Variants in CUL3 observed in about 807,000 individuals in gnomAD.
CUL3 encodes cullin-3.
In CUL3, 19 loss-of-function variants were observed where a neutral mutation model predicts 89.1. That is an observed-to-expected ratio of 0.21 (90% CI 0.15 to 0.31). CUL3 has a LOEUF of 0.31. Ranked by LOEUF, CUL3 falls within the 10% of genes least tolerant of loss-of-function variation. CUL3 has a pLI of 1.00. For missense variants in CUL3, 469 were observed against 942.3 expected (o/e 0.50, Z 6.58); for synonymous variants, 351 against 308.4 (o/e 1.14, Z -1.45).
At chr2:224,570,109 C>T (rs564922247) in intron 1 of CUL3, among the ~76,000 whole-genome samples, 2 of 152,022 alleles carry the variant, frequency 1.3e-5, no homozygotes, top group East Asian at 1.9e-4. Context: ...TGTTATTGTA[C>T]CCCTTACAAT....
rs982939031 is a variant in CUL3, at chr2:224,506,930, G to A, written c.957C>T (p.Ser319=). Residue 319 remains serine, a synonymous_variant, in exon 7 of 16, where the codon TCC becomes TCT. Transcript: ENST00000264414. The part of the protein sequence containing the change: ...GLKTMCECMS[S]YLREQGKALV... Reference sequence around the variant, plus strand: ...GAGCTTTACCTTGCTCCCTCAAATAGGAACTCATACACTCACACATTGTTT... The same window carrying A: ...GAGCTTTACCTTGCTCCCTCAAATAAGAACTCATACACTCACACATTGTTT... 3 of 1,613,366 alleles carry A rather than the reference G, an allele frequency of 1.9e-6. No homozygotes were observed. Among genetic ancestry groups the A allele is most frequent in the Non-Finnish European group, 2.5e-6 (3 of 1,179,640 alleles).
chr2:224,584,842 G>A, intron 1 of CUL3, 102 bp downstream of exon 1: 1 of 782,900 alleles, frequency 1.3e-6, no homozygotes, highest in Non-Finnish European at 1.7e-6. Context: ...GGGGAGGGGA[G>A]GCCGGGCCTG....
chr2:224,558,938 C>T (rs1694816269), intron 1 of CUL3, among the ~76,000 whole-genome samples: 1 of 151,708 alleles, frequency 6.6e-6, no homozygotes, highest in Non-Finnish European at 1.5e-5. Flanking sequence ...CGCCTGTAGT[C>T]CCAGCTACTT....
At chr2:224,513,269 C>G (rs370632470) in intron 5 of CUL3, among the ~76,000 whole-genome samples, 1 of 152,072 alleles carries the variant, frequency 6.6e-6, no homozygotes, top group African/African-American at 2.4e-5. Flanking sequence ...CATCCCTATG[C>G]CCCACACTGT....
rs74918799 is a variant in CUL3, at chr2:224,582,716, A to G, written c.66+2228T>C. Among the ~76,000 whole-genome samples the G allele has an allele frequency of 8.0e-4, 122 of 152,344 alleles. No homozygotes were observed. The East Asian group carries it at 0.023, about 29-fold the overall frequency. ...TGGTAACGTATCACACAACGTTATT[A>G]TACTGGTCAGCTAAAGGAATAATGA... On this transcript the variant is annotated intron_variant, in intron 1 of 15. Coordinates refer to ENST00000264414, the MANE Select transcript of CUL3 (RefSeq NM_003590.5).
chr2:224,524,388 T>G (rs1693387555), intron 3 of CUL3, among the ~76,000 whole-genome samples: 1 of 152,202 alleles, frequency 6.6e-6, no homozygotes, highest in African/African-American at 2.4e-5. Context: ...AGATGTTTAC[T>G]GATACAGCAC....
At chr2:224,506,478 G>A (rs1692605863) in intron 7 of CUL3, among the ~76,000 whole-genome samples, 1 of 152,026 alleles carries the variant, frequency 6.6e-6, no homozygotes, top group South Asian at 2.1e-4. Context: ...CACAAAACAT[G>A]GCACATAATT....
At chr2:224,533,030 C>T (rs1221658698) in intron 3 of CUL3, 1 of 152,114 alleles carries the variant, frequency 6.6e-6, no homozygotes, top group Non-Finnish European at 1.5e-5. Context: ...TCATTTACTA[C>T]AAGGGAGGAA....
intron 3 of CUL3, among the ~76,000 whole-genome samples, chr2:224,535,057 T>TAAAG (rs1204666648): frequency 2.8e-5 from 4 of 144,884 alleles, no homozygotes; most frequent in Non-Finnish European, 6.1e-5. Flanking sequence ...AATAAATAAA[T>TAAAG]AAAGATTTTT....
chr2:224,583,599 AT>A (rs1311343946), intron 1 of CUL3, among the ~76,000 whole-genome samples: 8 of 152,238 alleles, frequency 5.3e-5, no homozygotes, highest in Admixed American at 3.3e-4. Flanking sequence ...TTTAATTATT[AT>A]CAAAACACTT....
At chr2:224,522,025 G>T (rs1417156001) in intron 3 of CUL3, among the ~76,000 whole-genome samples, 1 of 148,574 alleles carries the variant, frequency 6.7e-6, no homozygotes, top group Non-Finnish European at 1.5e-5. Context: ...TATTCTGCTA[G>T]TAAGCTAGAG....
intron 3 of CUL3, among the ~76,000 whole-genome samples, chr2:224,534,460 T>C (rs1483521919): frequency 6.6e-6 from 1 of 152,212 alleles, no homozygotes; most frequent in African/African-American, 2.4e-5. Flanking sequence ...ATTGTATTAA[T>C]ATGACATCCT....
intron 1 of CUL3, among the ~76,000 whole-genome samples, chr2:224,561,464 A>T (rs184328064): frequency 6.6e-6 from 1 of 152,230 alleles, no homozygotes; most frequent in Non-Finnish European, 1.5e-5. Context: ...TAGTTATTTT[A>T]GTCACCCTGG....
intron 2 of CUL3, among the ~76,000 whole-genome samples, chr2:224,554,443 G>A (rs1574689562): frequency 6.6e-6 from 1 of 152,290 alleles, no homozygotes; most frequent in East Asian, 1.9e-4. Flanking sequence ...CCCTTACACT[G>A]AATTTCAGCA....
At chr2:224,519,416 C>A (rs1274623493) in intron 3 of CUL3, among the ~76,000 whole-genome samples, 1 of 152,102 alleles carries the variant, frequency 6.6e-6, no homozygotes, top group African/African-American at 2.4e-5. Context: ...AAGGTGTAGG[C>A]AGAACACAGA....
At chr2:224,518,294 A>G (rs538309937) in intron 3 of CUL3, among the ~76,000 whole-genome samples, 1 of 147,224 alleles carries the variant, frequency 6.8e-6, no homozygotes, top group Admixed American at 6.7e-5. Context: ...ATGTTGTAAC[A>G]TACAACAGTA....
chr2:224,544,686 T>G (rs1694237335), intron 2 of CUL3, among the ~76,000 whole-genome samples: 1 of 151,090 alleles, frequency 6.6e-6, no homozygotes, highest in Non-Finnish European at 1.5e-5. Context: ...TCTTAAAGAT[T>G]TCAAAATTTT....
chr2:224,544,607 G>A (rs543633918), intron 2 of CUL3, among the ~76,000 whole-genome samples: 1 of 151,620 alleles, frequency 6.6e-6, no homozygotes, highest in African/African-American at 2.4e-5. Context: ...TGTGGTCTAG[G>A]GGTTTGTCAC....
chr2:224,526,585 C>CAAAAAAAAAAAAAAAAAAAAAAAAAAGAA (rs1693485744), intron 3 of CUL3, among the ~76,000 whole-genome samples: 1 of 26,166 alleles, frequency 3.8e-5, no homozygotes, highest in Non-Finnish European at 1.1e-4. Context: ...GACTCCGTCT[C>CAAAAAAAAAAAAAAAAAAAAAAAAAAGAA]AAAAAAAAAA....
Sources: gnomAD v4.1 joint callset for allele counts (sites outside exome capture counted in the v4.1 genomes callset) on GRCh38, gnomAD v4.1.1 for gene constraint, MANE v1.5 for transcripts, NCBI Gene and HGNC (gene_info 2026-07-23, HGNC 2026-07-21) for gene names.